The following CDH12 variants were observed in gnomAD, a reference collection of about 807,000 sequenced individuals.
CDH12 encodes cadherin-12.
CDH12 carries 41 observed loss-of-function variants against 74.1 expected under a neutral mutation model. That is an observed-to-expected ratio of 0.55 (90% CI 0.43 to 0.72). CDH12 has a LOEUF of 0.72. Ranked by LOEUF, CDH12 falls within the 30% of genes least tolerant of loss-of-function variation. CDH12 has a pLI of 0.00. For missense variants in CDH12, 945 were observed against 977.2 expected (o/e 0.97, Z 0.44); for synonymous variants, 399 against 355.0 (o/e 1.12, Z -1.39).
chr5:22,621,261 C>G (rs1003772233), intron 1 of CDH12, among the ~76,000 whole-genome samples: 8 of 152,140 alleles, frequency 5.3e-5, no homozygotes, highest in Admixed American at 2.0e-4. Flanking sequence ...CTTTCCAGCA[C>G]GAGTTCTGTA....
chr5:21,794,416 T>G (rs1160116957), intron 10 of CDH12, among the ~76,000 whole-genome samples: 1 of 151,754 alleles, frequency 6.6e-6, no homozygotes, highest in Non-Finnish European at 1.5e-5. Context: ...ATAATTCTCT[T>G]GCGGGTCCTA....
rs537575568 is a variant in CDH12 at position 22,067,371 on chromosome 5, G to T, written c.231+11075C>A. 3.3e-5 allele frequency among the ~76,000 whole-genome samples: 5 copies of T among 152,300 alleles called. 1 individual carries two copies. The highest frequency in any genetic ancestry group is 1.2e-4 in the African/African-American group (5 of 41,580). Reference sequence around the variant, plus strand: ...AGGTGAAGCATAAGTTGTTGCATGTGGTCCCTCCTACAACCTCAGAAAAGA... The same window carrying T: ...AGGTGAAGCATAAGTTGTTGCATGTTGTCCCTCCTACAACCTCAGAAAAGA... On this transcript the variant is annotated intron_variant, in intron 5 of 14. Transcript: ENST00000382254.
intron 6 of CDH12, among the ~76,000 whole-genome samples, chr5:21,934,217 C>T (rs960662520): frequency 1.3e-5 from 2 of 152,118 alleles, no homozygotes; most frequent in African/African-American, 4.8e-5. Context: ...GGAGGTATGG[C>T]CTGGTGAGAC....
At chr5:22,529,340 C>T (rs1201054512) in intron 1 of CDH12, among the ~76,000 whole-genome samples, 3 of 151,750 alleles carry the variant, frequency 2.0e-5, no homozygotes, top group Non-Finnish European at 4.4e-5. Context: ...GGTGGAGTTC[C>T]AGTCTGAGTC....
intron 6 of CDH12, among the ~76,000 whole-genome samples, chr5:21,904,147 C>A (rs1273529292): frequency 4.6e-5 from 7 of 152,114 alleles, no homozygotes; most frequent in Non-Finnish European, 1.5e-5. Context: ...TGCTAATAAA[C>A]TTCATGTTAC....
At chr5:22,112,118 G>A (rs1003679116) in intron 4 of CDH12, among the ~76,000 whole-genome samples, 5 of 151,670 alleles carry the variant, frequency 3.3e-5, no homozygotes, top group Non-Finnish European at 5.9e-5. Flanking sequence ...AAAATGAAAG[G>A]ATGAATAAAA....
intron 1 of CDH12, among the ~76,000 whole-genome samples, chr5:22,714,854 T>C (rs1403854017): frequency 1.3e-5 from 2 of 152,178 alleles, no homozygotes; most frequent in South Asian, 4.1e-4. Flanking sequence ...ACAACGTACT[T>C]TGTTGGTATT....
At chr5:22,667,630 G>C (rs1301446612) in intron 1 of CDH12, among the ~76,000 whole-genome samples, 1 of 152,138 alleles carries the variant, frequency 6.6e-6, no homozygotes, top group Non-Finnish European at 1.5e-5. Flanking sequence ...TAAACAATTA[G>C]GTGGTTATAA....
At chr5:22,315,376 C>T (rs1406282215) in intron 3 of CDH12, among the ~76,000 whole-genome samples, 3 of 151,558 alleles carry the variant, frequency 2.0e-5, no homozygotes, top group Non-Finnish European at 2.9e-5. Context: ...GATTTTGTGA[C>T]GATGAGTTTA....
chr5:22,269,968 A>C (rs1486008879), intron 3 of CDH12, among the ~76,000 whole-genome samples: 1 of 152,098 alleles, frequency 6.6e-6, no homozygotes, highest in Non-Finnish European at 1.5e-5. Context: ...GATTCATTCT[A>C]CCTATTTTGA....
rs563191850 is a variant in CDH12 at position 22,749,359 on chromosome 5, T to C, written c.-523+103699A>G. ...AACTACTTTGATTCATAGAATGCTT[T>C]ACTAAGGTGGGGCAACATTTTATGT... On this transcript the variant is annotated intron_variant, in intron 1 of 14. Transcript: ENST00000382254. 1.5e-4 allele frequency among the ~76,000 whole-genome samples: 23 copies of C among 152,346 alleles called. 2 individuals are homozygous for C. Among genetic ancestry groups the C allele is most frequent in the South Asian group, 1.2e-3 (6 of 4,828 alleles).
chr5:22,249,975 G>T (rs1753081523), intron 3 of CDH12, among the ~76,000 whole-genome samples: 4 of 151,926 alleles, frequency 2.6e-5, no homozygotes, highest in Admixed American at 2.6e-4. Flanking sequence ...TTAGGAAAAA[G>T]TGTCACAAAC....
intron 1 of CDH12, among the ~76,000 whole-genome samples, chr5:22,683,013 CT>C (rs1005315823): frequency 2.0e-5 from 3 of 151,948 alleles, no homozygotes; most frequent in Admixed American, 2.0e-4. Context: ...AGTTTTCAAA[CT>C]GTAATGAATT....
intron 11 of CDH12, among the ~76,000 whole-genome samples, chr5:21,765,439 C>T (rs1002763311): frequency 1.3e-5 from 2 of 151,592 alleles, no homozygotes; most frequent in Non-Finnish European, 2.9e-5. Context: ...CTATGTTGTA[C>T]CCACATAATG....
At chr5:22,000,168 C>T (rs1436768562) in intron 5 of CDH12, among the ~76,000 whole-genome samples, 1 of 152,068 alleles carries the variant, frequency 6.6e-6, no homozygotes, top group Non-Finnish European at 1.5e-5. Context: ...TGCTATGTTG[C>T]CCAGGCTTGT....
chr5:22,596,474 G>C (rs542981164), intron 1 of CDH12, among the ~76,000 whole-genome samples: 6 of 152,216 alleles, frequency 3.9e-5, no homozygotes, highest in Non-Finnish European at 5.9e-5. Context: ...AAAACAATCT[G>C]TCTCAGTAGA....
chr5:22,675,638 G>A (rs563584458), intron 1 of CDH12, among the ~76,000 whole-genome samples: 2 of 151,768 alleles, frequency 1.3e-5, no homozygotes, highest in Admixed American at 1.3e-4. Context: ...TTTAGGAGGG[G>A]CCAGGGGAGT....
At chr5:22,506,019 C>T (rs563119037) in intron 1 of CDH12, among the ~76,000 whole-genome samples, 3 of 152,096 alleles carry the variant, frequency 2.0e-5, no homozygotes, top group African/African-American at 4.8e-5. Context: ...GGTCAGCCGA[C>T]TGGAGTCCTT....
intron 3 of CDH12, among the ~76,000 whole-genome samples, chr5:22,382,835 A>ATTG (rs1469319341): frequency 6.6e-6 from 1 of 151,760 alleles, no homozygotes; most frequent in African/African-American, 2.4e-5. Context: ...TATTATTATT[A>ATTG]TTATTATTTT....
Sources: allele counts gnomAD v4.1 joint callset (sites outside exome capture counted in the v4.1 genomes callset), GRCh38; gene constraint gnomAD v4.1.1; transcripts MANE v1.5; gene names NCBI Gene and HGNC (gene_info 2026-07-23, HGNC 2026-07-21).